Variants in GOSR2 observed in about 807,000 individuals in gnomAD.
GOSR2 encodes 27 kDa Golgi SNARE protein.
A neutral mutation model predicts 27.9 loss-of-function variants in GOSR2; 20 were observed. The ratio of observed to expected loss-of-function variants is 0.72; its 90% CI spans 0.50 to 1.04. The LOEUF is 1.04. Among genes scored for constraint, GOSR2 ranks in the 50% least tolerant of loss-of-function variants. The pLI is 0.00. For synonymous variants in GOSR2, 91 were observed against 98.8 expected, an observed-to-expected ratio of 0.92 and a Z score of 0.47; for missense variants, 261 against 270.5, an observed-to-expected ratio of 0.97 and a Z score of 0.25.
At chr17:46,969,450 A>G (rs2091368850), downstream of GOSR2, among the ~76,000 whole-genome samples, 2 of 152,108 alleles carry the variant, frequency 1.3e-5, no homozygotes, top group Admixed American at 6.5e-5. Flanking sequence ...TGTTTCCCCT[A>G]TGTCACAGTG....
Position 46,941,385 on chromosome 17 carries a change from C to A in GOSR2, c.*2625C>A, listed in dbSNP as rs528859500. ...GAAAATCACATTTTGTAAAAGAATT[C>A]GATATTCATTTTTATAACTAATGGC... On this transcript the variant is annotated 3_prime_UTR_variant, in exon 6 of 6. Coordinates refer to ENST00000640051, the MANE Select transcript of GOSR2 (RefSeq NM_004287.5). 2 of 980,634 alleles carry A rather than the reference C, an allele frequency of 2.0e-6. No homozygotes were observed. The highest frequency in any genetic ancestry group is 3.5e-5 in the African/African-American group (2 of 57,100). The allele number at this position is 980,634 out of a possible 1,614,324, so 60.7% of individuals were successfully genotyped here.
chr17:46,932,411 A>T (rs772732757), intron 4 of GOSR2: 8 of 619,664 alleles, frequency 1.3e-5, no homozygotes, highest in Non-Finnish European at 2.0e-5. Flanking sequence ...AAGAGGAAGC[A>T]GTTAAATTGA....
Position 46,947,111 on chromosome 17 carries a change from G to A in GOSR2, c.583+8407G>A, listed in dbSNP as rs1190498999. On this transcript the variant is annotated intron_variant, in intron 6 of 6. Transcript: ENST00000573224. Reference sequence around the variant, plus strand: ...CGTATTAGGGTGAAGCTGGAGGTGGGTGTGGAGGAAGGCCAGGGGACCCTG... The same window carrying A: ...CGTATTAGGGTGAAGCTGGAGGTGGATGTGGAGGAAGGCCAGGGGACCCTG... Among the ~76,000 whole-genome samples, 4 of 152,182 alleles carry A rather than the reference G, an allele frequency of 2.6e-5. No homozygotes were observed. The East Asian group carries it at 7.7e-4, about 29-fold the overall frequency.
chr17:46,965,315 G>T (rs2091265354), intron 6 of GOSR2, among the ~76,000 whole-genome samples: 1 of 152,198 alleles, frequency 6.6e-6, no homozygotes, highest in Non-Finnish European at 1.5e-5. Context: ...CCTCCCTGGT[G>T]CCCTGCTCAT....
chr17:46,940,642 G>A lies in GOSR2; in HGVS notation c.*1882G>A. ...ATTTGTTCTTGAACTCTGGGAGGCA[G>A]AAGTCCCCGCACCCATCATGCGTGG... On this transcript the variant is annotated 3_prime_UTR_variant, in exon 6 of 6. Transcript: ENST00000640051. The A allele has an allele frequency of 1.9e-6, 3 of 1,613,938 alleles. No individual in the cohort carries two copies. Among genetic ancestry groups the A allele is most frequent in the Middle Eastern group, 1.6e-4 (1 of 6,062 alleles).
Position 46,935,161 on chromosome 17 carries a change from A to G in GOSR2, c.469A>G (p.Thr157Ala), listed in dbSNP as rs544971181. ...AGATGGACTGAGGACCCAGAGACTGACCTTGAAGGTGGGGTCCCTGCTGGG... is the reference window on the plus strand; with the variant it reads ...AGATGGACTGAGGACCCAGAGACTGGCCTTGAAGGTGGGGTCCCTGCTGGG... ...ILDGLRTQRL[T>A]LKGTQKKILD... Residue 157 changes from threonine to alanine, a missense_variant, in exon 5 of 6, where the codon ACC becomes GCC. Coordinates refer to ENST00000640051, the MANE Select transcript of GOSR2 (RefSeq NM_004287.5). 3 of 1,614,124 alleles carry G rather than the reference A, an allele frequency of 1.9e-6. No homozygotes were observed. The highest frequency in any genetic ancestry group is 2.5e-6 in the Non-Finnish European group (3 of 1,179,924).
At position 46,941,034 on chromosome 17, in the gene GOSR2, A is replaced by G; in HGVS notation, c.*2274A>G. On this transcript the variant is annotated 3_prime_UTR_variant, in exon 6 of 6. Coordinates refer to ENST00000640051, the MANE Select transcript of GOSR2 (RefSeq NM_004287.5). ...GAGGCGGGGGTGAATTCTTAGGTCG[A>G]GCTGATGCAAGAAACTCCGGTAGCC... 9.2e-7 allele frequency: 1 copy of G among 1,092,444 alleles called. No homozygotes were observed. The highest frequency in any genetic ancestry group is 1.1e-6 in the Non-Finnish European group (1 of 892,996). The allele number at this position is 1,092,444 out of a possible 1,614,324, so 67.7% of individuals were successfully genotyped here.
At chr17:46,966,775 G>A (rs2091336291) in exon 7 of GOSR2, 1 of 448,584 alleles carries the variant, frequency 2.2e-6, no homozygotes, top group East Asian at 3.4e-5. Flanking sequence ...AATAGCACCT[G>A]CCTTGCAAGA....
At chr17:46,949,251 C>T (rs1011574446) in intron 6 of GOSR2, 2 of 152,216 alleles carry the variant, frequency 1.3e-5, no homozygotes, top group African/African-American at 2.4e-5. Flanking sequence ...CACACAATGT[C>T]GCTGAGCCCT....
At chr17:46,949,768 G>T (rs915022243) in intron 6 of GOSR2, among the ~76,000 whole-genome samples, 1 of 152,228 alleles carries the variant, frequency 6.6e-6, no homozygotes, top group Non-Finnish European at 1.5e-5. Context: ...AGCAGGTGGA[G>T]CCTGGGCGGA....
intron 5 of GOSR2, chr17:46,935,779 C>A: frequency 1.0e-6 from 1 of 984,360 alleles, no homozygotes; most frequent in Non-Finnish European, 1.2e-6. Flanking sequence ...AGACTCCAGC[C>A]CCTGGGAGTG....
intron 6 of GOSR2, among the ~76,000 whole-genome samples, chr17:46,955,935 A>G (rs1317866572): frequency 6.6e-6 from 1 of 152,162 alleles, no homozygotes; most frequent in Non-Finnish European, 1.5e-5. Flanking sequence ...CTGAGGGCGA[A>G]GACTCTAATT....
chr17:46,954,263 G>A (rs912644370), intron 6 of GOSR2, among the ~76,000 whole-genome samples: 6 of 152,216 alleles, frequency 3.9e-5, no homozygotes, highest in Non-Finnish European at 7.3e-5. Flanking sequence ...TGGCTAGCCA[G>A]TTTTCTCAGC....
chr17:46,929,421 T>C, intron 1 of GOSR2, 99 bp from the exon 2 acceptor site: 1 of 754,446 alleles, frequency 1.3e-6, no homozygotes. Context: ...GCTGTCGATT[T>C]AAATCAGTTA....
downstream of GOSR2, among the ~76,000 whole-genome samples, chr17:46,971,739 G>A (rs868830118): frequency 6.6e-6 from 1 of 152,218 alleles, no homozygotes. Context: ...ACCCCGACCT[G>A]CCTGTATCAA....
At chr17:46,957,674 G>A (rs2090808200) in intron 6 of GOSR2, among the ~76,000 whole-genome samples, 1 of 152,158 alleles carries the variant, frequency 6.6e-6, no homozygotes, top group Admixed American at 6.5e-5. Context: ...TGAGGAGAAG[G>A]GGAGAGGCAA....
intron 6 of GOSR2, among the ~76,000 whole-genome samples, chr17:46,973,404 T>A (rs1303268021): frequency 6.6e-6 from 1 of 152,088 alleles, no homozygotes; most frequent in Non-Finnish European, 1.5e-5. Context: ...CTCAAGTGAT[T>A]CGCCCACCTT....
intron 6 of GOSR2, chr17:46,949,274 T>C (rs1363738237): frequency 6.6e-6 from 1 of 152,280 alleles, no homozygotes; most frequent in Non-Finnish European, 1.5e-5. Context: ...ACTGGGGCTA[T>C]CCTCTGGAAC....
At chr17:46,935,787 G>A (rs933421842) in intron 5 of GOSR2, 7 of 986,882 alleles carry the variant, frequency 7.1e-6, no homozygotes, top group Non-Finnish European at 8.4e-6. Context: ...GCCCCTGGGA[G>A]TGGTTTACAG....
Sources: gnomAD v4.1 joint callset for allele counts (sites outside exome capture counted in the v4.1 genomes callset) on GRCh38, gnomAD v4.1.1 for gene constraint, MANE v1.5 for transcripts, NCBI Gene and HGNC (gene_info 2026-07-23, HGNC 2026-07-21) for gene names.